NR3C1: variants seen among roughly 807,000 people sequenced by gnomAD.
NR3C1 encodes the protein glucocorticoid receptor.
A neutral mutation model predicts 74.0 loss-of-function variants in NR3C1; 14 were observed. That is an observed-to-expected ratio of 0.19 (90% confidence interval 0.12 to 0.30). The LOEUF (loss-of-function observed/expected upper bound fraction) is 0.30, where lower values mean the gene tolerates loss of function less well. NR3C1 is among the 10% of genes least tolerant of loss of function. The pLI, the probability that NR3C1 is intolerant of heterozygous loss-of-function variation, is 1.00. For synonymous variants in NR3C1, 308 were observed against 332.5 expected, an observed-to-expected ratio of 0.93 and a Z score of 0.80; for missense variants, 695 against 909.8, an observed-to-expected ratio of 0.76 and a Z score of 3.04.
rs184653845 is a variant in NR3C1, at chr5:143,408,745, C to G, written c.-13-7893G>C. On this transcript the variant is annotated intron_variant, in intron 1 of 8. Transcript: ENST00000343796. The stretch of plus-strand genomic sequence containing the variant: ...TTTCATTTGTGGTATCATAACAATG[C>G]TCAAAAAGTTTTGGATTTTGGAGCA... 1.1e-4 allele frequency among the ~76,000 whole-genome samples: 17 copies of G among 152,214 alleles called. No homozygotes were observed. The East Asian group carries it at 2.7e-3, about 24-fold the overall frequency.
intron 2 of NR3C1, among the ~76,000 whole-genome samples, chr5:143,337,056 T>C (rs1339661537): frequency 6.6e-6 from 1 of 152,070 alleles, no homozygotes. Context: ...TATATCTCCT[T>C]AAAAGCACCA....
At chr5:143,283,021 G>C (rs1432497508) in intron 7 of NR3C1, among the ~76,000 whole-genome samples, 1 of 152,084 alleles carries the variant, frequency 6.6e-6, no homozygotes, top group Non-Finnish European at 1.5e-5. Flanking sequence ...TGAGTAGCTA[G>C]GACACAAGCC....
chr5:143,416,291 T>G (rs1841474284), intron 1 of NR3C1, among the ~76,000 whole-genome samples: 2 of 152,152 alleles, frequency 1.3e-5, no homozygotes, highest in African/African-American at 4.8e-5. Flanking sequence ...CCAGGTCTGG[T>G]AATATCAGAG....
intron 2 of NR3C1, among the ~76,000 whole-genome samples, chr5:143,351,117 T>C (rs578196648): frequency 6.6e-6 from 1 of 152,340 alleles, no homozygotes; most frequent in East Asian, 1.9e-4. Flanking sequence ...CCTTTAGTAA[T>C]GACTCATATA....
intron 1 of NR3C1, among the ~76,000 whole-genome samples, chr5:143,426,968 G>T (rs1751561949): frequency 6.6e-6 from 1 of 152,146 alleles, no homozygotes; most frequent in Non-Finnish European, 1.5e-5. Context: ...TGTCAGATTT[G>T]CTCATAAGTC....
intron 2 of NR3C1, among the ~76,000 whole-genome samples, chr5:143,377,711 T>A (rs1439019968): frequency 1.3e-5 from 2 of 152,232 alleles, no homozygotes; most frequent in Non-Finnish European, 2.9e-5. Flanking sequence ...TTTATGGCTA[T>A]CTCTTTATGA....
At chr5:143,415,229 T>G (rs1244088956) in intron 1 of NR3C1, among the ~76,000 whole-genome samples, 1 of 152,188 alleles carries the variant, frequency 6.6e-6, no homozygotes, top group Non-Finnish European at 1.5e-5. Flanking sequence ...GGCAACAAAT[T>G]TGTAATTATT....
intron 2 of NR3C1, among the ~76,000 whole-genome samples, chr5:143,322,826 G>A (rs1823662475): frequency 6.6e-6 from 1 of 152,124 alleles, no homozygotes; most frequent in Non-Finnish European, 1.5e-5. Flanking sequence ...ACATTAACTT[G>A]AGAACTTTTT....
chr5:143,362,906 C>A (rs539974313), intron 2 of NR3C1, among the ~76,000 whole-genome samples: 21 of 152,160 alleles, frequency 1.4e-4, no homozygotes, highest in Non-Finnish European at 3.1e-4. Context: ...TCTGTAAGGG[C>A]TTTGAAAGGG....
chr5:143,404,326 G>A, upstream of NR3C1: 1 of 985,630 alleles, frequency 1.0e-6, no homozygotes, highest in South Asian at 4.7e-5. Context: ...CACGCCCTCT[G>A]GGGAGGCTTC....
At chr5:143,426,215 G>A (rs1048872015) in intron 1 of NR3C1, among the ~76,000 whole-genome samples, 2 of 152,142 alleles carry the variant, frequency 1.3e-5, no homozygotes, top group African/African-American at 4.8e-5. Flanking sequence ...GGTCGCCAGG[G>A]GGCTAGGGAA....
chr5:143,381,257 A>G (rs1176753961), intron 2 of NR3C1, among the ~76,000 whole-genome samples: 1 of 152,168 alleles, frequency 6.6e-6, no homozygotes, highest in African/African-American at 2.4e-5. Context: ...CTCTACAATG[A>G]AAACAATAAA....
intron 2 of NR3C1, among the ~76,000 whole-genome samples, chr5:143,389,459 C>A (rs1837858344): frequency 1.3e-5 from 2 of 152,138 alleles, no homozygotes; most frequent in Admixed American, 1.3e-4. Flanking sequence ...ATACAAAAAT[C>A]AAATTTAGCC....
chr5:143,412,775 A>T (rs1180130046), intron 1 of NR3C1, among the ~76,000 whole-genome samples: 1 of 152,196 alleles, frequency 6.6e-6, no homozygotes, highest in Non-Finnish European at 1.5e-5. Context: ...AGAAAGAATC[A>T]TGTCTCCACA....
chr5:143,363,873 G>T (rs1832719794), intron 2 of NR3C1, among the ~76,000 whole-genome samples: 1 of 152,002 alleles, frequency 6.6e-6, no homozygotes, highest in East Asian at 1.9e-4. Flanking sequence ...AAAAAGAATG[G>T]GGAGGAAAAA....
At chr5:143,353,252 T>C (rs1175204753) in intron 2 of NR3C1, among the ~76,000 whole-genome samples, 3 of 152,198 alleles carry the variant, frequency 2.0e-5, no homozygotes, top group Admixed American at 6.5e-5. Flanking sequence ...ACATCTGCAG[T>C]GACTTCCTAA....
At chr5:143,355,262 T>C (rs1830930401) in intron 2 of NR3C1, among the ~76,000 whole-genome samples, 2 of 152,218 alleles carry the variant, frequency 1.3e-5, no homozygotes, top group African/African-American at 4.8e-5. Flanking sequence ...CAGAAACATT[T>C]GGAGGGCTTT....
chr5:143,319,179 C>G (rs973608520), intron 2 of NR3C1, among the ~76,000 whole-genome samples: 1 of 152,100 alleles, frequency 6.6e-6, no homozygotes, highest in Non-Finnish European at 1.5e-5. Context: ...AATGTAATAG[C>G]TTGGTGACCT....
At chr5:143,302,525 C>T (rs1818708783) in intron 4 of NR3C1, among the ~76,000 whole-genome samples, 1 of 151,870 alleles carries the variant, frequency 6.6e-6, no homozygotes, top group Non-Finnish European at 1.5e-5. Context: ...TTAGTCATAA[C>T]TTTAAATGGT....
Sources: allele counts gnomAD v4.1 joint callset (sites outside exome capture counted in the v4.1 genomes callset), GRCh38; gene constraint gnomAD v4.1.1; transcripts MANE v1.5; gene names NCBI Gene and HGNC (gene_info 2026-07-23, HGNC 2026-07-21).